The following BICD1 variants were observed in gnomAD, a reference collection of about 807,000 sequenced individuals.
BICD1 encodes BICD cargo adaptor 1.
BICD1 carries 35 observed loss-of-function variants against 92.5 expected under a neutral mutation model. The observed-to-expected ratio is 0.38, with a 90% CI of 0.29 to 0.50. The LOEUF (loss-of-function observed/expected upper bound fraction) is 0.50. Ranked by LOEUF, BICD1 falls within the 20% of genes least tolerant of loss-of-function variation. The pLI is 0.93. For synonymous variants in BICD1, 429 were observed against 465.1 expected (o/e 0.92, Z 1.00); for missense variants, 950 against 1,189.8 (o/e 0.80, Z 2.97).
intron 1 of BICD1, among the ~76,000 whole-genome samples, chr12:32,169,905 C>G (rs997796829): frequency 2.0e-5 from 3 of 152,188 alleles, no homozygotes; most frequent in Admixed American, 2.0e-4. Context: ...CCCCAAGATA[C>G]ACTTTCACCA....
intron 1 of BICD1, among the ~76,000 whole-genome samples, chr12:32,120,986 T>TC (rs1942128226): frequency 6.6e-6 from 1 of 150,852 alleles, no homozygotes; most frequent in Non-Finnish European, 1.5e-5. Flanking sequence ...TTTTTTTTTT[T>TC]GAGACGGAGT....
At chr12:32,154,940 T>C (rs921805098) in intron 1 of BICD1, among the ~76,000 whole-genome samples, 10 of 152,176 alleles carry the variant, frequency 6.6e-5, no homozygotes, top group African/African-American at 2.4e-4. Context: ...TTTCCTCTGA[T>C]TCAAACATTT....
intron 3 of BICD1, among the ~76,000 whole-genome samples, chr12:32,302,540 A>G (rs1406407834): frequency 6.6e-6 from 1 of 152,182 alleles, no homozygotes; most frequent in Non-Finnish European, 1.5e-5. Flanking sequence ...TGTGAAAAGT[A>G]TATTTCATTT....
At chr12:32,276,016 C>T (rs1947266557) in intron 2 of BICD1, among the ~76,000 whole-genome samples, 1 of 152,060 alleles carries the variant, frequency 6.6e-6, no homozygotes, top group Non-Finnish European at 1.5e-5. Context: ...CGGCTTGCCA[C>T]CATTTTGGGA....
intron 2 of BICD1, among the ~76,000 whole-genome samples, chr12:32,245,134 T>C (rs1298765433): frequency 6.6e-6 from 1 of 152,210 alleles, no homozygotes; most frequent in African/African-American, 2.4e-5. Flanking sequence ...CAAATAAATG[T>C]ATTTCTTTTG....
chr12:32,284,219 G>A (rs548541817), intron 2 of BICD1, among the ~76,000 whole-genome samples: 10 of 152,290 alleles, frequency 6.6e-5, no homozygotes, highest in Admixed American at 2.6e-4. Flanking sequence ...TGGGAGAGAA[G>A]GCCTGTTCCC....
rs1565525002 is a variant in BICD1 at position 32,116,494 on chromosome 12, CTCTCTCTCTCTCTCTCTA to C, written c.213+8952_213+8969del. ...TCTCTCTCTCTCTCTCTCTCTCTTT[CTCTCTCTCTCTCTCTCTA>C]TATATATATATATATATGTAATTTT... On this transcript the variant is annotated intron_variant, in intron 1 of 9. Transcript: ENST00000652176. Among the ~76,000 whole-genome samples the C allele has an allele frequency of 7.4e-3, 535 of 72,300 alleles. 1 individual carries two copies. Among genetic ancestry groups the C allele is most frequent in the African/African-American group, 0.023 (417 of 17,774 alleles). 47.4% of individuals were successfully genotyped at this position (72,300 alleles called of 152,430 possible). A position where few individuals can be genotyped will look rare whatever the true frequency, so the allele number is the denominator to read the frequency against.
intron 4 of BICD1, among the ~76,000 whole-genome samples, chr12:32,311,717 A>G (rs907529400): frequency 5.9e-5 from 9 of 152,188 alleles, no homozygotes; most frequent in African/African-American, 2.2e-4. Flanking sequence ...CAGATAGCTG[A>G]CTTCAGAGAG....
In BICD1 at chr12:32,235,707, T is replaced by C. The variant is rs549774016; in HGVS notation, c.426+19248T>C. ...TATTTCAAACTTTTTCTTTTCTTTT[T>C]TTTTTTTTTTTTAGACAGAGTCTCG... On this transcript the variant is annotated intron_variant, in intron 2 of 9. Coordinates refer to ENST00000652176, the MANE Select transcript of BICD1 (RefSeq NM_001714.4). Among the ~76,000 whole-genome samples, 15 of 151,058 alleles carry C rather than the reference T, an allele frequency of 9.9e-5. No individual in the cohort carries two copies. The South Asian group carries it at 1.3e-3, about 13-fold the overall frequency.
At chr12:32,154,856 G>T (rs570924376) in intron 1 of BICD1, among the ~76,000 whole-genome samples, 5 of 152,214 alleles carry the variant, frequency 3.3e-5, no homozygotes, top group Non-Finnish European at 7.4e-5. Flanking sequence ...ACACTAAATG[G>T]TATCTTTATT....
chr12:32,294,436 A>G (rs562869395), intron 3 of BICD1, among the ~76,000 whole-genome samples: 1 of 152,118 alleles, frequency 6.6e-6, no homozygotes, highest in African/African-American at 2.4e-5. Context: ...ATCGTAACAA[A>G]TTTAACCTGA....
At chr12:32,312,315 C>T (rs1006013575) in intron 4 of BICD1, among the ~76,000 whole-genome samples, 3 of 152,180 alleles carry the variant, frequency 2.0e-5, no homozygotes, top group Non-Finnish European at 4.4e-5. Context: ...AATAGCACCT[C>T]CTGGAGTTGT....
At chr12:32,335,281 G>A (rs576257715) in intron 6 of BICD1, among the ~76,000 whole-genome samples, 1 of 151,896 alleles carries the variant, frequency 6.6e-6, no homozygotes, top group Non-Finnish European at 1.5e-5. Flanking sequence ...CTCCCGAGTA[G>A]CTGGGAATAC....
intron 2 of BICD1, among the ~76,000 whole-genome samples, chr12:32,270,426 T>C (rs553248795): frequency 1.3e-5 from 2 of 152,192 alleles, no homozygotes; most frequent in Non-Finnish European, 2.9e-5. Context: ...CACCAGGTCC[T>C]AATAAAAACA....
rs550977373 is a variant in BICD1, at chr12:32,343,360, TTCC to T, written c.2764+4393_2764+4395del. Among the ~76,000 whole-genome samples, 400 of 152,114 alleles carry T rather than the reference TTCC, an allele frequency of 2.6e-3. 2 individuals are homozygous for T. The highest frequency in any genetic ancestry group is 9.2e-3 in the African/African-American group (380 of 41,490). On this transcript the variant is annotated intron_variant, in intron 8 of 9. Coordinates refer to ENST00000652176, the MANE Select transcript of BICD1 (RefSeq NM_001714.4). ...CTTCCTCTTCCTCCTCCGTCCCCTC[TTCC>T]TCCTCCTCCTCATCATCTTACCATT... is the stretch of plus-strand genomic sequence containing the variant.
chr12:32,298,870 C>CAAAAAAAA (rs59280755), intron 3 of BICD1, among the ~76,000 whole-genome samples: 4 of 56,086 alleles, frequency 7.1e-5, no homozygotes, highest in African/African-American at 2.5e-4. Context: ...AACTCCATCT[C>CAAAAAAAA]AAAAAAAAAA....
Position 32,338,732 on chromosome 12 carries a change from T to G in BICD1, c.2571-54T>G. 1.0e-5 allele frequency: 15 copies of G among 1,463,260 alleles called. No homozygotes were observed. The South Asian group carries it at 2.0e-4, about 19-fold the overall frequency. The allele number at this position is 1,463,260 out of a possible 1,614,324, so 90.6% of individuals were successfully genotyped here. A position where few individuals can be genotyped will look rare whatever the true frequency, so the allele number is the denominator to read the frequency against. ...TCACTGGTGAGGCGTTAAAAGGTAATTAAAGTAAAACTTTTTTGTTTCCTA... is the reference window on the plus strand; with the variant it reads ...TCACTGGTGAGGCGTTAAAAGGTAAGTAAAGTAAAACTTTTTTGTTTCCTA... On this transcript the variant is annotated intron_variant, in intron 7 of 9. Transcript: ENST00000652176.
At chr12:32,185,272 T>A (rs2121527052) in intron 1 of BICD1, among the ~76,000 whole-genome samples, 1 of 152,312 alleles carries the variant, frequency 6.6e-6, no homozygotes, top group Non-Finnish European at 1.5e-5. Context: ...CATAAGCAAT[T>A]TATACTCTTG....
intron 2 of BICD1, among the ~76,000 whole-genome samples, chr12:32,231,484 A>G (rs1285133573): frequency 1.3e-5 from 2 of 151,974 alleles, no homozygotes; most frequent in Non-Finnish European, 1.5e-5. Flanking sequence ...ATATTTAAAT[A>G]TTCCCAGAAT....
Sources: gnomAD v4.1 joint callset for allele counts (sites outside exome capture counted in the v4.1 genomes callset) on GRCh38, gnomAD v4.1.1 for gene constraint, MANE v1.5 for transcripts, NCBI Gene and HGNC (gene_info 2026-07-23, HGNC 2026-07-21) for gene names.